TRPC5: variants seen among roughly 807,000 people sequenced by gnomAD.
The protein encoded by TRPC5 is transient receptor potential cation channel subfamily C member 5, also known as short transient receptor potential channel 5.
In TRPC5, 9 loss-of-function variants were observed where a neutral mutation model predicts 56.5. That is an observed-to-expected ratio of 0.16 (90% CI 0.10 to 0.28). The LOEUF (loss-of-function observed/expected upper bound fraction) is 0.28. Among genes scored for constraint, TRPC5 ranks in the 10% least tolerant of loss-of-function variants. TRPC5 has a pLI of 1.00. For missense variants in TRPC5, 469 were observed against 748.9 expected (o/e 0.63, Z 4.36); for synonymous variants, 282 against 278.5 (o/e 1.01, Z -0.13).
chrX:111,919,673 G>A (rs1370035625), intron 2 of TRPC5, among the ~76,000 whole-genome samples: 1 of 112,133 alleles, frequency 8.9e-6, no homozygotes, highest in African/African-American at 3.2e-5. Context: ...GAGATTGTGT[G>A]TGTATTTTCT....
chrX:111,859,579 A>G (rs528606172), intron 3 of TRPC5, among the ~76,000 whole-genome samples: 3 of 112,169 alleles, frequency 2.7e-5, no homozygotes, highest in African/African-American at 9.7e-5. Context: ...AATACCTATG[A>G]GTTGGGTGAA....
chrX:112,008,267 T>C (rs1229607262), intron 1 of TRPC5, among the ~76,000 whole-genome samples: 1 of 111,823 alleles, frequency 8.9e-6, no homozygotes, highest in Non-Finnish European at 1.9e-5. Context: ...AATCACCTCC[T>C]TTTGTATGAA....
intron 2 of TRPC5, among the ~76,000 whole-genome samples, chrX:111,936,588 T>C (rs1456023432): frequency 9.5e-6 from 1 of 105,041 alleles, no homozygotes; most frequent in East Asian, 3.0e-4. Context: ...AGTGAGAATA[T>C]GCGGTGTTTG....
intron 1 of TRPC5, among the ~76,000 whole-genome samples, chrX:111,978,549 C>T (rs1391502771): frequency 9.0e-6 from 1 of 110,925 alleles, no homozygotes; most frequent in Admixed American, 9.6e-5. Context: ...AGTAGTTATC[C>T]CAGAAAAGTT....
rs984366476 is a variant in TRPC5, at chrX:111,770,929, G to T, written c.*5384C>A. ...TCATTCAAGTGCCACTAAGGACAGT[G>T]CCTTTTGTGTGTATGTATGTAAGCT... is the stretch of plus-strand genomic sequence containing the variant. On this transcript the variant is annotated 3_prime_UTR_variant, in exon 11 of 11. Transcript: ENST00000262839. Among the ~76,000 whole-genome samples the T allele has an allele frequency of 1.8e-5, 2 of 112,259 alleles. No homozygotes were observed. The highest frequency in any genetic ancestry group is 9.5e-5 in the Admixed American group (1 of 10,557).
intron 1 of TRPC5, among the ~76,000 whole-genome samples, chrX:112,042,128 C>T (rs921675376): frequency 2.7e-5 from 3 of 111,376 alleles, no homozygotes; most frequent in Non-Finnish European, 3.8e-5. Context: ...CAGCCTATGA[C>T]GAGACTGACA....
At chrX:111,873,732 C>A (rs746508013) in intron 3 of TRPC5, among the ~76,000 whole-genome samples, 5 of 110,085 alleles carry the variant, frequency 4.5e-5, no homozygotes, top group Non-Finnish European at 9.5e-5. Flanking sequence ...TGCAGTGAGC[C>A]GAGATCGCAC....
intron 1 of TRPC5, among the ~76,000 whole-genome samples, chrX:112,032,882 A>G (rs1335005661): frequency 9.0e-6 from 1 of 111,632 alleles, no homozygotes; most frequent in Non-Finnish European, 1.9e-5. Flanking sequence ...GATGATAAAC[A>G]TCTTCTCATA....
At chrX:112,072,917 A>G (rs1022843150) in intron 1 of TRPC5, among the ~76,000 whole-genome samples, 1 of 112,270 alleles carries the variant, frequency 8.9e-6, no homozygotes, top group Non-Finnish European at 1.9e-5. Context: ...GTCACTCATC[A>G]TTCAAGGGCT....
intron 5 of TRPC5, among the ~76,000 whole-genome samples, chrX:111,851,630 G>A (rs756749030): frequency 1.8e-5 from 2 of 109,987 alleles, no homozygotes; most frequent in South Asian, 7.9e-4. Context: ...TTATTCTGGT[G>A]GTGGAAGTGA....
intron 7 of TRPC5, among the ~76,000 whole-genome samples, chrX:111,807,711 T>C (rs1921560751): frequency 1.8e-5 from 2 of 112,200 alleles, no homozygotes; most frequent in Non-Finnish European, 3.8e-5. Context: ...CATGTCTTCT[T>C]GGGAAGGCTT....
At chrX:112,060,173 CCA>C (rs1259823062) in intron 1 of TRPC5, among the ~76,000 whole-genome samples, 3 of 111,739 alleles carry the variant, frequency 2.7e-5, no homozygotes, top group Non-Finnish European at 5.6e-5. Flanking sequence ...CTGCTGATCA[CCA>C]CAGTTTTTAC....
chrX:111,856,076 G>A (rs1052176184), intron 3 of TRPC5, among the ~76,000 whole-genome samples: 2 of 111,405 alleles, frequency 1.8e-5, no homozygotes, highest in African/African-American at 6.5e-5. Context: ...GAGCAGAGAG[G>A]ATCGCATGGC....
chrX:112,071,075 T>A (rs1346464530), intron 1 of TRPC5, among the ~76,000 whole-genome samples: 1 of 110,708 alleles, frequency 9.0e-6, no homozygotes, highest in Non-Finnish European at 1.9e-5. Flanking sequence ...GCCCAGGAGT[T>A]CAAGACCAGT....
chrX:111,845,946 T>C (rs1001927199), intron 6 of TRPC5, among the ~76,000 whole-genome samples: 7 of 112,306 alleles, frequency 6.2e-5, no homozygotes, highest in African/African-American at 1.9e-4. Context: ...GGTTTAATCA[T>C]AGATTCCATT....
At chrX:111,803,074 T>C (rs773201672) in intron 7 of TRPC5, among the ~76,000 whole-genome samples, 12 of 110,601 alleles carry the variant, frequency 1.1e-4, no homozygotes, top group African/African-American at 3.3e-4. Flanking sequence ...GTCCAAGTGA[T>C]CTCATTGTTC....
chrX:111,984,651 C>T (rs1395176757), intron 1 of TRPC5, among the ~76,000 whole-genome samples: 1 of 111,642 alleles, frequency 9.0e-6, no homozygotes, highest in Non-Finnish European at 1.9e-5. Flanking sequence ...TTTTTGTTCA[C>T]TGGGTCCAAG....
intron 7 of TRPC5, among the ~76,000 whole-genome samples, chrX:111,797,589 A>G (rs1921144154): frequency 8.9e-6 from 1 of 112,436 alleles, no homozygotes; most frequent in South Asian, 3.6e-4. Context: ...GAATTAATAA[A>G]GAAGCACATA....
chrX:112,016,622 C>T (rs1486233145), intron 1 of TRPC5, among the ~76,000 whole-genome samples: 1 of 111,286 alleles, frequency 9.0e-6, no homozygotes, highest in Non-Finnish European at 1.9e-5. Flanking sequence ...GAATGACCAC[C>T]AGCTCACCCT....
Sources: gnomAD v4.1 joint callset for allele counts (sites outside exome capture counted in the v4.1 genomes callset) on GRCh38, gnomAD v4.1.1 for gene constraint, MANE v1.5 for transcripts, NCBI Gene and HGNC (gene_info 2026-07-23, HGNC 2026-07-21) for gene names.